ENKUR: variants seen among roughly 807,000 people sequenced by gnomAD.
ENKUR encodes the protein enkurin, TRPC channel interacting protein.
ENKUR carries 19 observed loss-of-function variants against 27.6 expected under a neutral mutation model. That is an observed-to-expected ratio of 0.69 (90% CI 0.48 to 1.01). The LOEUF (loss-of-function observed/expected upper bound fraction) is 1.01. Among genes scored for constraint, ENKUR ranks in the 50% least tolerant of loss-of-function variants. The probability of loss-of-function intolerance (pLI) is 0.00; values close to 1 mark genes in which losing one functional copy is unlikely to be tolerated. For missense variants in ENKUR, 312 were observed against 310.5 expected, an observed-to-expected ratio of 1.00 and a Z score of -0.04; for synonymous variants, 117 against 96.9, an observed-to-expected ratio of 1.21 and a Z score of -1.22.
intron 2 of ENKUR, among the ~76,000 whole-genome samples, chr10:25,049,703 A>T (rs1851162513): frequency 6.7e-6 from 1 of 148,700 alleles, no homozygotes. Flanking sequence ...CAGGAGAATC[A>T]CTTGAACCTG....
chr10:25,024,953 A>G (rs200090168), intron 2 of ENKUR: 4 of 1,614,156 alleles, frequency 2.5e-6, no homozygotes, highest in Non-Finnish European at 3.4e-6. Context: ...CGACATTTAC[A>G]CTTGATGGCT....
chr10:24,988,664 GTA>G (rs66687937), intron 4 of ENKUR, among the ~76,000 whole-genome samples: 3 of 98,884 alleles, frequency 3.0e-5, no homozygotes, highest in Non-Finnish European at 6.4e-5. Flanking sequence ...CACAGCATAT[GTA>G]TATATATATA....
rs112535265 is a variant in ENKUR at position 25,038,772 on chromosome 10, G to A, written c.37+22340C>T. On this transcript the variant is annotated intron_variant, in intron 2 of 5. Transcript: ENST00000615958. ...GGTTATCAGCACCTGAACCGAATGG[G>A]AGAATATGATTTTAAATGCATACTA... is the stretch of plus-strand genomic sequence containing the variant. Among the ~76,000 whole-genome samples the A allele has an allele frequency of 3.7e-3, 558 of 152,264 alleles. 1 individual carries two copies. The highest frequency in any genetic ancestry group is 6.0e-3 in the Non-Finnish European group (405 of 68,014).
intron 1 of ENKUR, among the ~76,000 whole-genome samples, chr10:25,015,074 C>T (rs569306172): frequency 6.6e-6 from 1 of 152,298 alleles, no homozygotes; most frequent in Admixed American, 6.5e-5. Flanking sequence ...AGACAGGAAA[C>T]ATTTCAAGTC....
At chr10:24,995,995 A>T in intron 2 of ENKUR, 126 bp from the exon 3 acceptor site, 1 of 739,904 alleles carries the variant, frequency 1.4e-6, no homozygotes. Flanking sequence ...TTAAATATTT[A>T]AGATAGAAGT....
At chr10:25,050,070 G>A (rs1195498951) in intron 2 of ENKUR, among the ~76,000 whole-genome samples, 1 of 152,044 alleles carries the variant, frequency 6.6e-6, no homozygotes, top group East Asian at 1.9e-4. Flanking sequence ...GGAGCAAGAG[G>A]GCAGGGGGAT....
At chr10:25,054,513 C>CTTTCTTTCTTTCTTTCTTTCCTTT (rs1554774507) in intron 2 of ENKUR, among the ~76,000 whole-genome samples, 6 of 71,354 alleles carry the variant, frequency 8.4e-5, no homozygotes, top group Admixed American at 1.6e-4. Context: ...TTCTTTCTTT[C>CTTTCTTTCTTTCTTTCTTTCCTTT]CTTTCTTTCT....
intron 1 of ENKUR, among the ~76,000 whole-genome samples, chr10:25,007,527 C>T (rs929294144): frequency 1.1e-4 from 16 of 152,242 alleles, no homozygotes; most frequent in African/African-American, 2.9e-4. Context: ...CTCCGCCTCC[C>T]GGGTTCACAC....
rs745600003 is a variant in ENKUR at position 24,999,410 on chromosome 10, G to C, written c.214C>G (p.Leu72Val). 1 of 1,607,120 alleles carries C rather than the reference G, an allele frequency of 6.2e-7. No individual in the cohort carries two copies. Residue 72 changes from leucine to valine, a missense_variant, in exon 2 of 6, where the codon CTA becomes GTA. By Grantham distance (32) the Leu-to-Val change is conservative. Transcript: ENST00000331161. ...FLKKHSKEKT[L>V]PPKKNFDRNV... ...GCATGATAAAACCTACTGGGTGGTA[G>C]AGTTTTTTCCTTTGAATGTTTCTTT... is the stretch of plus-strand genomic sequence containing the variant.
chr10:25,023,731 A>T (rs747836372), intron 2 of ENKUR: 1 of 1,613,918 alleles, frequency 6.2e-7, no homozygotes, highest in Non-Finnish European at 8.5e-7. Context: ...ATTAATGAAG[A>T]CAGATAGGAT....
chr10:24,994,926 T>A (rs1157404720), intron 3 of ENKUR, among the ~76,000 whole-genome samples: 4 of 152,006 alleles, frequency 2.6e-5, no homozygotes, highest in Non-Finnish European at 2.9e-5. Context: ...GGAGGCTGAG[T>A]GAGGAGAATC....
intron 2 of ENKUR, among the ~76,000 whole-genome samples, chr10:25,060,191 TAAC>T (rs1851310452): frequency 6.6e-6 from 1 of 152,148 alleles, no homozygotes; most frequent in African/African-American, 2.4e-5. Flanking sequence ...TTCAATGTGA[TAAC>T]AAGAAGAAAA....
At chr10:25,051,934 G>A (rs1851190302) in intron 2 of ENKUR, among the ~76,000 whole-genome samples, 1 of 152,080 alleles carries the variant, frequency 6.6e-6, no homozygotes, top group South Asian at 2.1e-4. Flanking sequence ...GATACCTAGT[G>A]GCTTGTAGCC....
chr10:25,061,190 G>A (rs750026011), exon 2 of ENKUR: 2 of 1,529,896 alleles, frequency 1.3e-6, no homozygotes, highest in Admixed American at 2.0e-5. Flanking sequence ...CATAGGTGTT[G>A]GACACGTGTG....
At chr10:25,034,229 A>G (rs996145949) in intron 2 of ENKUR, among the ~76,000 whole-genome samples, 22 of 152,184 alleles carry the variant, frequency 1.4e-4, no homozygotes, top group African/African-American at 5.3e-4. Flanking sequence ...ATGTACACAT[A>G]CAAACTTTTT....
chr10:25,034,928 T>C (rs1564354255), intron 2 of ENKUR, among the ~76,000 whole-genome samples: 1 of 152,288 alleles, frequency 6.6e-6, no homozygotes, highest in East Asian at 1.9e-4. Context: ...AAGAAAAATA[T>C]TAGTTTAAAT....
At chr10:25,024,972 TG>T (rs1433547680) in intron 2 of ENKUR, 1 of 1,614,098 alleles carries the variant, frequency 6.2e-7, no homozygotes, top group East Asian at 2.2e-5. Flanking sequence ...CTAATAAAGA[TG>T]GACAGCTAAT....
chr10:25,039,696 T>C (rs1433287217), intron 2 of ENKUR, among the ~76,000 whole-genome samples: 1 of 152,206 alleles, frequency 6.6e-6, no homozygotes, highest in Admixed American at 6.5e-5. Flanking sequence ...TTCAGTCATC[T>C]ACTGCTGCAT....
At chr10:24,996,224 A>T (rs112973791) in intron 2 of ENKUR, among the ~76,000 whole-genome samples, 4,678 of 152,302 alleles carry the variant, frequency 0.031, 103 homozygotes, top group South Asian at 0.072. Flanking sequence ...GGAGTCTGAG[A>T]CCAGTCTCGG....
Sources: gnomAD v4.1 joint callset for allele counts (sites outside exome capture counted in the v4.1 genomes callset) on GRCh38, gnomAD v4.1.1 for gene constraint, MANE v1.5 for transcripts, NCBI Gene and HGNC (gene_info 2026-07-23, HGNC 2026-07-21) for gene names.